The following KIAA1671 variants were observed in gnomAD, a reference collection of about 807,000 sequenced individuals.
The protein encoded by KIAA1671 is KIAA1671, also known as uncharacterized protein KIAA1671.
KIAA1671 carries 52 observed loss-of-function variants against 131.2 expected under a neutral mutation model. The observed-to-expected ratio is 0.40, with a 90% confidence interval of 0.32 to 0.50. The LOEUF is 0.50. KIAA1671 is among the 20% of genes least tolerant of loss of function. The pLI is 0.73. For missense variants in KIAA1671, 2,360 were observed against 2,364.2 expected (o/e 1.00, Z 0.04); for synonymous variants, 1,003 against 961.6 (o/e 1.04, Z -0.80).
chr22:24,977,467 G>A (rs1386810957), intron 1 of KIAA1671, among the ~76,000 whole-genome samples: 2 of 152,206 alleles, frequency 1.3e-5, no homozygotes, highest in African/African-American at 4.8e-5. Context: ...CCTCCTGGTA[G>A]CAGCTGCCAG....
intron 2 of KIAA1671, 25 bp downstream of exon 2, chr22:25,025,809 A>G (rs937588644): frequency 6.6e-6 from 1 of 152,166 alleles, no homozygotes; most frequent in Non-Finnish European, 1.5e-5. Flanking sequence ...TGCTTGACCC[A>G]AGCTTGAGGG....
chr22:25,041,278 G>A lies in KIAA1671; in HGVS notation c.4148G>A (p.Gly1383Glu). 6.4e-7 allele frequency: 1 copy of A among 1,551,786 alleles called. No homozygotes were observed. The highest frequency in any genetic ancestry group is 8.7e-7 in the Non-Finnish European group (1 of 1,147,010). ...KGTPRKSTGRGEEDSVAQWGD... is the reference protein window; with the variant it reads ...KGTPRKSTGREEEDSVAQWGD... ...ACCCCAAGGAAATCCACCGGGCGGG[G>A]AGAGGAGGACAGTGTGGCCCAGTGG... The change falls in exon 5 of 13, where the codon GGA becomes GAA. Residue 1383 changes from glycine to glutamate, a missense_variant. Around this residue, in one of 3 missense-constraint regions of KIAA1671, gnomAD observed 1,161 missense variants for 1,204.7 expected, o/e 0.96. Coordinates refer to ENST00000358431, the MANE Select transcript of KIAA1671 (RefSeq NM_001145206.2).
intron 1 of KIAA1671, among the ~76,000 whole-genome samples, chr22:25,000,213 A>AATGTAGCTTTT (rs1924379166): frequency 2.9e-4 from 2 of 6,812 alleles, no homozygotes; most frequent in African/African-American, 3.8e-3. Context: ...TTTTTTTTTG[A>AATGTAGCTTTT]GACGGAGTCT....
At chr22:25,171,093 C>CA (rs200855153) in intron 7 of KIAA1671, among the ~76,000 whole-genome samples, 155 bp downstream of exon 7, 27 of 152,014 alleles carry the variant, frequency 1.8e-4, no homozygotes, top group Non-Finnish European at 7.4e-5. Context: ...TTAGGAAGTA[C>CA]AAAAAAATAA....
intron 6 of KIAA1671, among the ~76,000 whole-genome samples, chr22:25,168,122 C>T (rs1267599197): frequency 1.3e-5 from 2 of 152,164 alleles, no homozygotes; most frequent in East Asian, 3.9e-4. Flanking sequence ...GGCTGGCTCC[C>T]CTGCCTGGGA....
At chr22:25,055,833 T>G (rs34485574) in intron 6 of KIAA1671, 12 of 141,830 alleles carry the variant, frequency 8.5e-5, no homozygotes, top group Middle Eastern at 4.0e-3. Flanking sequence ...TATAGATAGA[T>G]ATAGATACAG....
intron 11 of KIAA1671, among the ~76,000 whole-genome samples, chr22:25,188,285 A>T (rs1934543310): frequency 6.7e-6 from 1 of 148,728 alleles, no homozygotes; most frequent in Non-Finnish European, 1.5e-5. Context: ...TGGGCGACAG[A>T]GAGAGACTCC....
chr22:25,136,103 A>G (rs1415389448), intron 6 of KIAA1671, among the ~76,000 whole-genome samples: 6 of 152,196 alleles, frequency 3.9e-5, no homozygotes, highest in Non-Finnish European at 1.5e-5. Flanking sequence ...CTCTGCAGCT[A>G]ACTTGAGCTC....
rs894752552 is a variant in KIAA1671 at position 25,031,566 on chromosome 22, A to G, written c.1542-1043A>G. On this transcript the variant is annotated intron_variant, in intron 3 of 12. Transcript: ENST00000358431. ...AGGCTGTTCTCGAACTTCTGACCTCATGATCTGCCCGCCTCAGCCTCCCAA... is the reference window on the plus strand; with the variant it reads ...AGGCTGTTCTCGAACTTCTGACCTCGTGATCTGCCCGCCTCAGCCTCCCAA... Among the ~76,000 whole-genome samples the G allele has an allele frequency of 1.7e-3, 246 of 147,626 alleles. 4 individuals carry two copies. The highest frequency in any genetic ancestry group is 9.8e-4 in the Non-Finnish European group (65 of 66,446).
chr22:24,954,676 G>T (rs1237218569), intron 1 of KIAA1671, among the ~76,000 whole-genome samples: 2 of 152,176 alleles, frequency 1.3e-5, no homozygotes, highest in African/African-American at 4.8e-5. Context: ...ACTGATTCTT[G>T]ATGTTGGGGA....
At chr22:24,998,611 G>A (rs1389345340) in intron 1 of KIAA1671, among the ~76,000 whole-genome samples, 1 of 151,184 alleles carries the variant, frequency 6.6e-6, no homozygotes, top group African/African-American at 2.4e-5. Context: ...CCAGCTACTA[G>A]GGAGGCTGAG....
chr22:25,035,356 A>G (rs943450203), intron 4 of KIAA1671, among the ~76,000 whole-genome samples: 1 of 151,874 alleles, frequency 6.6e-6, no homozygotes, highest in African/African-American at 2.4e-5. Flanking sequence ...CAGGACTTCT[A>G]TTTTCTTTTC....
At chr22:24,961,671 T>G (rs1458540949) in intron 1 of KIAA1671, among the ~76,000 whole-genome samples, 2 of 152,248 alleles carry the variant, frequency 1.3e-5, no homozygotes, top group African/African-American at 4.8e-5. Context: ...AAGCTGTCAC[T>G]TCTGCTCTCA....
chr22:25,022,075 C>T (rs1925702453), intron 1 of KIAA1671, among the ~76,000 whole-genome samples: 3 of 152,294 alleles, frequency 2.0e-5, no homozygotes, highest in East Asian at 1.9e-4. Context: ...TGCCTGGCCC[C>T]GTTCCTGGCT....
intron 6 of KIAA1671, among the ~76,000 whole-genome samples, chr22:25,075,387 G>A (rs1929049174): frequency 6.6e-6 from 1 of 152,096 alleles, no homozygotes; most frequent in South Asian, 2.1e-4. Flanking sequence ...TGTCACGAAT[G>A]TTCTTTTTTG....
At chr22:24,996,906 G>T (rs1924169851) in intron 1 of KIAA1671, among the ~76,000 whole-genome samples, 1 of 152,200 alleles carries the variant, frequency 6.6e-6, no homozygotes, top group Admixed American at 6.5e-5. Flanking sequence ...AGATCCAACA[G>T]CATCTCCCAT....
intron 6 of KIAA1671, among the ~76,000 whole-genome samples, chr22:25,081,979 T>C (rs1268124325): frequency 6.6e-6 from 1 of 152,160 alleles, no homozygotes; most frequent in Non-Finnish European, 1.5e-5. Context: ...GAGGATCACC[T>C]AAGCCCAGGA....
intron 1 of KIAA1671, among the ~76,000 whole-genome samples, chr22:25,025,100 GA>G (rs1925864835): frequency 1.3e-5 from 1 of 74,702 alleles, no homozygotes; most frequent in Non-Finnish European, 2.8e-5. Context: ...GCTACCAAGT[GA>G]AGCACATCAC....
At chr22:25,076,387 G>A (rs1032824004) in intron 6 of KIAA1671, among the ~76,000 whole-genome samples, 22 of 152,104 alleles carry the variant, frequency 1.4e-4, no homozygotes, top group Non-Finnish European at 1.9e-4. Context: ...TAGAAGTGGG[G>A]CCAAGCGTGG....
Sources: gnomAD v4.1 joint callset for allele counts (sites outside exome capture counted in the v4.1 genomes callset) on GRCh38, gnomAD v4.1.1 for gene constraint, gnomAD v4.1.1 regional missense constraint, MANE v1.5 for transcripts, NCBI Gene and HGNC (gene_info 2026-07-23, HGNC 2026-07-21) for gene names.